The following CDH12 variants were observed in gnomAD, a reference collection of about 807,000 sequenced individuals.
CDH12 encodes the protein cadherin 12, also known as cadherin-12.
A neutral mutation model predicts 74.1 loss-of-function variants in CDH12; 41 were observed. The observed-to-expected ratio is 0.55, with a 90% CI of 0.43 to 0.72. The LOEUF is 0.72. CDH12 is among the 30% of genes least tolerant of loss of function. The pLI is 0.00. For synonymous variants in CDH12, 399 were observed against 355.0 expected (o/e 1.12, Z -1.39); for missense variants, 945 against 977.2 (o/e 0.97, Z 0.44).
chr5:22,254,952 T>C (rs970654283), intron 3 of CDH12, among the ~76,000 whole-genome samples: 1 of 151,852 alleles, frequency 6.6e-6, no homozygotes, highest in African/African-American at 2.4e-5. Context: ...TAACTGTAGT[T>C]CCCCTATTAT....
chr5:22,759,465 G>A (rs929637871), intron 1 of CDH12, among the ~76,000 whole-genome samples: 7 of 151,974 alleles, frequency 4.6e-5, no homozygotes, highest in African/African-American at 1.4e-4. Context: ...TGAAGACCTC[G>A]AAGCAACTGA....
chr5:22,527,542 C>G (rs892775950), intron 1 of CDH12, among the ~76,000 whole-genome samples: 3 of 152,094 alleles, frequency 2.0e-5, no homozygotes, highest in Admixed American at 2.0e-4. Context: ...ATTATGGTAA[C>G]CACATCCACA....
At chr5:22,534,972 T>C (rs953014270) in intron 1 of CDH12, among the ~76,000 whole-genome samples, 3 of 147,412 alleles carry the variant, frequency 2.0e-5, no homozygotes, top group Non-Finnish European at 4.5e-5. Flanking sequence ...TGCATTTCTA[T>C]TGCATTTTTT....
At chr5:21,830,475 C>T (rs138442710) in intron 8 of CDH12, among the ~76,000 whole-genome samples, 293 of 152,080 alleles carry the variant, frequency 1.9e-3, no homozygotes, top group Non-Finnish European at 3.4e-3. Flanking sequence ...AATTTATAAG[C>T]CAAACAGAGC....
At chr5:22,517,661 C>G (rs1012442263) in intron 1 of CDH12, among the ~76,000 whole-genome samples, 4 of 152,126 alleles carry the variant, frequency 2.6e-5, no homozygotes, top group African/African-American at 9.7e-5. Flanking sequence ...AATAAAGCAT[C>G]AACATCTGCT....
chr5:22,633,064 G>A lies in CDH12; in HGVS notation c.-522-127700C>T, dbSNP rs1326156237. Among the ~76,000 whole-genome samples, 12 of 152,182 alleles carry A rather than the reference G, an allele frequency of 7.9e-5. No individual in the cohort carries two copies. In the East Asian group the frequency reaches 2.3e-3, roughly 29 times the overall value. ...GAGGCAGTCTTAAAACACACTCAAA[G>A]GGAATGAAACAGTCAACCAACAATG... On this transcript the variant is annotated intron_variant, in intron 1 of 14. Coordinates refer to ENST00000382254, the MANE Select transcript of CDH12 (RefSeq NM_004061.5).
rs576544000 is a variant in CDH12, at chr5:22,055,061, T to A, written c.231+23385A>T. 8.9e-4 allele frequency among the ~76,000 whole-genome samples: 136 copies of A among 152,332 alleles called. 1 individual carries two copies. Among genetic ancestry groups the A allele is most frequent in the South Asian group, 8.9e-3 (43 of 4,818 alleles). ...TAATTTTACCCTAATATCAGGTGTG[T>A]AATCTGATATTCAACTGGATTATTG... On this transcript the variant is annotated intron_variant, in intron 5 of 14. Coordinates refer to ENST00000382254, the MANE Select transcript of CDH12 (RefSeq NM_004061.5).
intron 6 of CDH12, among the ~76,000 whole-genome samples, chr5:21,920,084 G>A (rs898428762): frequency 1.3e-5 from 2 of 151,876 alleles, no homozygotes; most frequent in Non-Finnish European, 2.9e-5. Flanking sequence ...TATAATTATG[G>A]ATAGAGATAA....
intron 1 of CDH12, among the ~76,000 whole-genome samples, chr5:22,851,971 A>G (rs947950791): frequency 3.3e-5 from 5 of 152,188 alleles, no homozygotes; most frequent in African/African-American, 7.2e-5. Flanking sequence ...AGTGAAGATC[A>G]AGCAAACTAA....
At position 21,816,624 on chromosome 5, in the gene CDH12, CAAAAAAAAAAAAAAAA is replaced by C. The variant is rs542222336; in HGVS notation, c.1002+305_1002+320del. ...TGGGTAACAGAGTGCAACTCCATCT[CAAAAAAAAAAAAAAAA>C]AAAAAAAAAAAAAGAATAGAGTATA... On this transcript the variant is annotated intron_variant, in intron 9 of 14. Coordinates refer to ENST00000382254, the MANE Select transcript of CDH12 (RefSeq NM_004061.5). Among the ~76,000 whole-genome samples, 140 of 17,972 alleles carry C rather than the reference CAAAAAAAAAAAAAAAA, an allele frequency of 7.8e-3. 3 individuals carry two copies. Among genetic ancestry groups the C allele is most frequent in the African/African-American group, 0.018 (137 of 7,578 alleles). The allele number at this position is 17,972 out of a possible 152,430, so 11.8% of individuals were successfully genotyped here. A position where few individuals can be genotyped will look rare whatever the true frequency, so the allele number is the denominator to read the frequency against.
intron 1 of CDH12, among the ~76,000 whole-genome samples, chr5:22,766,322 T>C (rs1370505153): frequency 6.6e-6 from 1 of 152,066 alleles, no homozygotes; most frequent in Non-Finnish European, 1.5e-5. Context: ...TTCTCATAGC[T>C]TCATTTAGAG....
chr5:21,865,611 T>C (rs560989443), intron 6 of CDH12, among the ~76,000 whole-genome samples: 121 of 152,172 alleles, frequency 8.0e-4, no homozygotes, highest in African/African-American at 2.7e-3. Flanking sequence ...ACCCCAGCCA[T>C]GTCTCAAGTG....
intron 5 of CDH12, among the ~76,000 whole-genome samples, chr5:22,049,684 T>C (rs1740215195): frequency 6.6e-6 from 1 of 152,138 alleles, no homozygotes; most frequent in Admixed American, 6.6e-5. Context: ...CAGAATAATG[T>C]GTGAGATGGT....
chr5:22,232,116 G>T (rs1752406558), intron 3 of CDH12, among the ~76,000 whole-genome samples: 1 of 151,356 alleles, frequency 6.6e-6, no homozygotes, highest in East Asian at 1.9e-4. Flanking sequence ...TCATATATAA[G>T]TTTCTATTAA....
intron 1 of CDH12, among the ~76,000 whole-genome samples, chr5:22,512,269 G>C (rs968121994): frequency 4.6e-5 from 7 of 152,166 alleles, no homozygotes; most frequent in African/African-American, 1.7e-4. Flanking sequence ...TATCAGTAAA[G>C]AGGATATATT....
intron 8 of CDH12, among the ~76,000 whole-genome samples, chr5:21,833,974 A>T (rs955787301): frequency 6.6e-6 from 1 of 151,882 alleles, no homozygotes; most frequent in Admixed American, 6.6e-5. Flanking sequence ...TTGGTAATTA[A>T]ATTAGATGTG....
At chr5:22,486,537 C>A (rs900758993) in intron 2 of CDH12, among the ~76,000 whole-genome samples, 1 of 151,264 alleles carries the variant, frequency 6.6e-6, no homozygotes, top group South Asian at 2.1e-4. Flanking sequence ...CCGGAACCTC[C>A]GCCTCCCAGG....
intron 1 of CDH12, among the ~76,000 whole-genome samples, chr5:22,743,161 G>T (rs960263392): frequency 1.3e-4 from 20 of 151,318 alleles, no homozygotes; most frequent in Non-Finnish European, 2.4e-4. Context: ...AGACTCAGAG[G>T]AACTCTGAGT....
At chr5:22,650,203 T>C (rs1739658996) in intron 1 of CDH12, among the ~76,000 whole-genome samples, 1 of 152,016 alleles carries the variant, frequency 6.6e-6, no homozygotes, top group African/African-American at 2.4e-5. Context: ...GATTAGTGGC[T>C]ATCATAGAGA....
Sources: allele counts gnomAD v4.1 joint callset (sites outside exome capture counted in the v4.1 genomes callset), GRCh38; gene constraint gnomAD v4.1.1; transcripts MANE v1.5; gene names NCBI Gene and HGNC (gene_info 2026-07-23, HGNC 2026-07-21).